The following OXR1 variants were observed in gnomAD, a reference collection of about 807,000 sequenced individuals.
The protein encoded by OXR1 is oxidation resistance 1, also known as oxidation resistance protein 1.
A neutral mutation model predicts 104.6 loss-of-function variants in OXR1; 41 were observed. That is an observed-to-expected ratio of 0.39 (90% CI 0.31 to 0.51). OXR1 has a LOEUF of 0.51. Among genes scored for constraint, OXR1 ranks in the 20% least tolerant of loss-of-function variants. OXR1 has a pLI of 0.77. For missense variants in OXR1, 955 were observed against 1,031.9 expected (o/e 0.93, Z 1.02); for synonymous variants, 348 against 348.4 (o/e 1.00, Z 0.01).
chr8:106,593,516 T>C (rs944538754), intron 3 of OXR1, among the ~76,000 whole-genome samples: 11 of 152,232 alleles, frequency 7.2e-5, no homozygotes, highest in Admixed American at 2.6e-4. Context: ...CGATGGCTCA[T>C]GCCTGTAATC....
At chr8:106,681,422 G>T (rs75705751) in intron 4 of OXR1, among the ~76,000 whole-genome samples, 3,846 of 152,218 alleles carry the variant, frequency 0.025, 174 homozygotes, top group African/African-American at 0.089. Flanking sequence ...AGGAAAATAT[G>T]TATATTATTG....
chr8:106,566,463 G>C (rs1451263076), intron 3 of OXR1, among the ~76,000 whole-genome samples: 1 of 152,090 alleles, frequency 6.6e-6, no homozygotes, highest in African/African-American at 2.4e-5. Flanking sequence ...TAAAAAGTCA[G>C]GAAACAAGAA....
intron 3 of OXR1, among the ~76,000 whole-genome samples, chr8:106,628,698 C>G (rs1474736013): frequency 6.6e-6 from 1 of 152,202 alleles, no homozygotes; most frequent in African/African-American, 2.4e-5. Context: ...CCCATCCCCT[C>G]TCTGCTATCC....
chr8:106,600,276 AT>A (rs1819872674), intron 3 of OXR1, among the ~76,000 whole-genome samples: 1 of 152,254 alleles, frequency 6.6e-6, no homozygotes, highest in Non-Finnish European at 1.5e-5. Flanking sequence ...CAACTTAAAA[AT>A]AAATGTTGTG....
At chr8:106,432,091 A>G (rs1238264074) in intron 2 of OXR1, among the ~76,000 whole-genome samples, 2 of 152,146 alleles carry the variant, frequency 1.3e-5, no homozygotes, top group African/African-American at 4.8e-5. Flanking sequence ...TCTGCCTTCA[A>G]AATATAATAT....
At chr8:106,474,106 G>A (rs113499543) in intron 2 of OXR1, among the ~76,000 whole-genome samples, 2,744 of 148,802 alleles carry the variant, frequency 0.018, 81 homozygotes, top group African/African-American at 0.064. Flanking sequence ...GACAATATGT[G>A]GACTACGTAA....
At chr8:106,566,341 A>C (rs562837116) in intron 3 of OXR1, among the ~76,000 whole-genome samples, 26 of 152,270 alleles carry the variant, frequency 1.7e-4, no homozygotes, top group African/African-American at 6.3e-4. Flanking sequence ...AAAAGAAAAC[A>C]TTTATGTGGC....
intron 2 of OXR1, among the ~76,000 whole-genome samples, chr8:106,483,121 G>T (rs1822240350): frequency 6.6e-6 from 1 of 151,880 alleles, no homozygotes; most frequent in Non-Finnish European, 1.5e-5. Context: ...TGGTATATTG[G>T]ATATTGTAAA....
intron 3 of OXR1, among the ~76,000 whole-genome samples, chr8:106,567,729 CA>C (rs1262243026): frequency 6.6e-6 from 1 of 152,022 alleles, no homozygotes; most frequent in Non-Finnish European, 1.5e-5. Context: ...TAATGCAAAC[CA>C]AATAAAGGTA....
chr8:106,552,090 C>A (rs2130421217), intron 3 of OXR1, among the ~76,000 whole-genome samples: 1 of 151,612 alleles, frequency 6.6e-6, no homozygotes, highest in East Asian at 1.9e-4. Flanking sequence ...AAAAGGAAGG[C>A]AGGGTTCAAT....
At chr8:106,317,036 A>G (rs1236534359) in intron 1 of OXR1, among the ~76,000 whole-genome samples, 18 of 151,976 alleles carry the variant, frequency 1.2e-4, no homozygotes, top group Admixed American at 9.8e-4. Context: ...ATGCCCAGCT[A>G]ATTTTGAATT....
At chr8:106,350,932 G>T (rs1158049633) in intron 1 of OXR1, among the ~76,000 whole-genome samples, 1 of 152,124 alleles carries the variant, frequency 6.6e-6, no homozygotes, top group African/African-American at 2.4e-5. Flanking sequence ...AAATTGAGGG[G>T]CAAAACAGAT....
At chr8:106,390,621 A>G (rs1460105285) in intron 2 of OXR1, among the ~76,000 whole-genome samples, 1 of 152,208 alleles carries the variant, frequency 6.6e-6, no homozygotes, top group Non-Finnish European at 1.5e-5. Flanking sequence ...AGTATTGCAC[A>G]TACAGTATCA....
At chr8:106,424,374 G>A (rs562050718) in intron 2 of OXR1, among the ~76,000 whole-genome samples, 1 of 152,012 alleles carries the variant, frequency 6.6e-6, no homozygotes, top group South Asian at 2.1e-4. Flanking sequence ...AATTCAAATG[G>A]GTTCAGATTA....
intron 1 of OXR1, among the ~76,000 whole-genome samples, chr8:106,285,414 CATT>C (rs1812455127): frequency 6.6e-6 from 1 of 152,032 alleles, no homozygotes; most frequent in South Asian, 2.1e-4. Flanking sequence ...CTTGCCAGCT[CATT>C]ATATTATTCT....
At chr8:106,543,948 C>G (rs1211984216) in intron 3 of OXR1, among the ~76,000 whole-genome samples, 2 of 152,138 alleles carry the variant, frequency 1.3e-5, no homozygotes, top group Non-Finnish European at 2.9e-5. Flanking sequence ...GGAGCCCTTA[C>G]TATTAGGAGA....
intron 11 of OXR1, among the ~76,000 whole-genome samples, chr8:106,726,617 T>C (rs1204028101): frequency 6.6e-6 from 1 of 152,186 alleles, no homozygotes; most frequent in Non-Finnish European, 1.5e-5. Flanking sequence ...TAGAAAAATA[T>C]TCAGAATTTT....
chr8:106,435,048 C>T (rs185279190), intron 2 of OXR1, among the ~76,000 whole-genome samples: 1 of 152,236 alleles, frequency 6.6e-6, no homozygotes, highest in African/African-American at 2.4e-5. Flanking sequence ...CCAGGTGTCA[C>T]CTCTAAGGAA....
intron 2 of OXR1, among the ~76,000 whole-genome samples, chr8:106,484,438 G>A (rs931181956): frequency 1.3e-5 from 2 of 151,770 alleles, no homozygotes; most frequent in African/African-American, 2.4e-5. Context: ...CAACTATTAT[G>A]TATTCATAAT....
Sources: gnomAD v4.1 joint callset for allele counts (sites outside exome capture counted in the v4.1 genomes callset) on GRCh38, gnomAD v4.1.1 for gene constraint, MANE v1.5 for transcripts, NCBI Gene and HGNC (gene_info 2026-07-23, HGNC 2026-07-21) for gene names.